The following KDM1B variants were observed in gnomAD, a reference collection of about 807,000 sequenced individuals.
The protein encoded by KDM1B is lysine-specific histone demethylase 2.
A neutral mutation model predicts 107.4 loss-of-function variants in KDM1B; 63 were observed. The ratio of observed to expected loss-of-function variants is 0.59; its 90% confidence interval spans 0.48 to 0.72. The LOEUF is 0.72. KDM1B is among the 30% of genes least tolerant of loss of function. KDM1B has a pLI of 0.00. For missense variants in KDM1B, 749 were observed against 1,020.8 expected, an observed-to-expected ratio of 0.73 and a Z score of 3.63; for synonymous variants, 363 against 363.9, an observed-to-expected ratio of 1.00 and a Z score of 0.03.
chr6:18,186,822 G>C lies in KDM1B; in HGVS notation c.574-970G>C, dbSNP rs181105861. Among the ~76,000 whole-genome samples, 2 of 152,216 alleles carry C rather than the reference G, an allele frequency of 1.3e-5. No homozygotes were observed. Among genetic ancestry groups the C allele is most frequent in the East Asian group, 3.9e-4 (2 of 5,178 alleles). ...ATCTCATGAGAACTCATTATCACAA[G>C]AACAGCATGAGGGTAACTGCCCCTG... is the stretch of plus-strand genomic sequence containing the variant. On this transcript the variant is annotated intron_variant, in intron 8 of 21. Transcript: ENST00000650836. The surrounding 1 kb of genome is among the most constrained non-coding windows in gnomAD (Gnocchi z 5.6).
chr6:18,171,545 A>G (rs1244970296), intron 7 of KDM1B, 66 bp downstream of exon 7: 32 of 878,820 alleles, frequency 3.6e-5, no homozygotes, highest in Non-Finnish European at 5.2e-5. Flanking sequence ...GTAATGGTGT[A>G]TATGTTTTTC....
chr6:18,203,637 G>C lies in KDM1B; in HGVS notation c.1532-1900G>C, dbSNP rs1788186553. On this transcript the variant is annotated intron_variant, in intron 14 of 21. Coordinates refer to ENST00000650836, the MANE Select transcript of KDM1B (RefSeq NM_001364614.2). This position sits in a 1 kb window ranked among gnomAD's most constrained non-coding sequence, Gnocchi z 5.5. ...GGAGGCCAAGGCGGGTGGATCACCT[G>C]AGTTCAGGAGTTCGAGACCAGCCTG... 6.6e-6 allele frequency among the ~76,000 whole-genome samples: 1 copy of C among 152,142 alleles called. No homozygotes were observed. Among genetic ancestry groups the C allele is most frequent in the South Asian group, 2.1e-4 (1 of 4,832 alleles).
chr6:18,184,518 A>G (rs1384316524), intron 7 of KDM1B, among the ~76,000 whole-genome samples: 1 of 151,136 alleles, frequency 6.6e-6, no homozygotes, highest in Non-Finnish European at 1.5e-5. Flanking sequence ...TAGGTGATCC[A>G]CCCACCTCAG....
At position 18,172,002 on chromosome 6, in the gene KDM1B, G is replaced by A. The variant is rs1785694981; in HGVS notation, c.534+523G>A. ...GGTTTTAATTTTTTTGCTAGTTTTG[G>A]TTTGTTTCGTTTTTATATAATGATG... On this transcript the variant is annotated intron_variant, in intron 7 of 21. Coordinates refer to ENST00000650836, the MANE Select transcript of KDM1B (RefSeq NM_001364614.2). The surrounding 1 kb of genome is among the most constrained non-coding windows in gnomAD (Gnocchi z 5.2). Among the ~76,000 whole-genome samples the A allele has an allele frequency of 3.3e-5, 5 of 152,176 alleles. No individual in the cohort carries two copies. The South Asian group carries it at 1.0e-3, about 32-fold the overall frequency.
At position 18,200,556 on chromosome 6, in the gene KDM1B, G is replaced by A; in HGVS notation, c.1339G>A (p.Val447Ile). Residue 447 changes from valine (V) to isoleucine (I), a missense_variant, in exon 13 of 22, where the codon GTA becomes ATA. Physicochemically the swap from Val to Ile is conservative, Grantham distance 29. Coordinates refer to ENST00000650836, the MANE Select transcript of KDM1B (RefSeq NM_001364614.2). The surrounding 1 kb of genome is among the most constrained non-coding windows in gnomAD (Gnocchi z 4.3). The part of the protein sequence containing the change: ...QIVNGCINNP[V>I]ALMCEQLGIS... Reference sequence around the variant, plus strand: ...TGTCAATGGGTGTATTAACAACCCAGTAGCATTAATGTGTGAACAAGTGAG... The same window carrying A: ...TGTCAATGGGTGTATTAACAACCCAATAGCATTAATGTGTGAACAAGTGAG... 1.2e-6 allele frequency: 2 copies of A among 1,613,494 alleles called. No homozygotes were observed. The highest frequency in any genetic ancestry group is 1.7e-6 in the Non-Finnish European group (2 of 1,179,760).
At chr6:18,208,631 T>C (rs71533671) in intron 17 of KDM1B, among the ~76,000 whole-genome samples, 1 of 16,976 alleles carries the variant, frequency 5.9e-5, no homozygotes, top group Non-Finnish European at 1.0e-4. Flanking sequence ...ATATATATTT[T>C]TTTTTTTTTT....
In KDM1B at chr6:18,158,393, C is replaced by CTT. The variant is rs558815602; in HGVS notation, c.-13-1490_-13-1489insTT. On this transcript the variant is annotated intron_variant, in intron 2 of 21. Transcript: ENST00000650836. ...CATTGATGTTAGGATGTGTCAAAGTCAATGTAGATGGCAAAATGAGTTTTT... is the reference window on the plus strand; with the variant it reads ...CATTGATGTTAGGATGTGTCAAAGTCTTAATGTAGATGGCAAAATGAGTTTTT... Among the ~76,000 whole-genome samples the CTT allele has an allele frequency of 9.3e-4, 138 of 147,788 alleles. No individual in the cohort carries two copies. The Middle Eastern group carries it at 0.011, about 12-fold the overall frequency.
At chr6:18,175,736 A>T (rs1314801081) in intron 7 of KDM1B, among the ~76,000 whole-genome samples, 3 of 151,768 alleles carry the variant, frequency 2.0e-5, no homozygotes, top group African/African-American at 7.3e-5. Flanking sequence ...TCCTTTCCCC[A>T]CTTTATGTTT....
At chr6:18,208,668 G>A (rs1788594690) in intron 17 of KDM1B, among the ~76,000 whole-genome samples, 2 of 79,248 alleles carry the variant, frequency 2.5e-5, no homozygotes, top group East Asian at 9.4e-4. Flanking sequence ...TTTTTGAGAT[G>A]GAGTCTCGTG....
At position 18,201,270 on chromosome 6, in the gene KDM1B, C is replaced by A. The variant is rs749182125; in HGVS notation, c.1360-216C>A. Among the ~76,000 whole-genome samples the A allele has an allele frequency of 2.5e-4, 38 of 152,178 alleles. No individual in the cohort carries two copies. Among genetic ancestry groups the A allele is most frequent in the Admixed American group, 1.0e-3 (16 of 15,270 alleles). On this transcript the variant is annotated intron_variant, in intron 13 of 21. Coordinates refer to ENST00000650836, the MANE Select transcript of KDM1B (RefSeq NM_001364614.2). The surrounding 1 kb of genome is among the most constrained non-coding windows in gnomAD (Gnocchi z 4.3). ...CATGGCGTAGGAGCTGTTGCTGCCC[C>A]TCTCACATTCTCATCAAATAAAATC... is the stretch of plus-strand genomic sequence containing the variant.
rs940045702 is a variant in KDM1B at position 18,155,454 on chromosome 6, G to GGCA, written c.-173_-172insAGC. 6.3e-6 allele frequency: 1 copy of GGCA among 159,466 alleles called. No homozygotes were observed. The highest frequency in any genetic ancestry group is 1.4e-5 in the Non-Finnish European group (1 of 73,840). The allele number at this position is 159,466 out of a possible 1,614,324, so 9.9% of individuals were successfully genotyped here. On this transcript the variant is annotated 5_prime_UTR_variant, in exon 1 of 22. Transcript: ENST00000650836. The surrounding 1 kb of genome is among the most constrained non-coding windows in gnomAD (Gnocchi z 6.2). Reference sequence around the variant, plus strand: ...GGGCGGAAGCGGCGGCGGCGGCGGCGGCCGAGAAGAGGCTGGGGCTCGCGG... The same window carrying GGCA: ...GGGCGGAAGCGGCGGCGGCGGCGGCGGCAGCCGAGAAGAGGCTGGGGCTCGCGG...
At chr6:18,184,156 C>G (rs1786668144) in intron 7 of KDM1B, among the ~76,000 whole-genome samples, 1 of 152,062 alleles carries the variant, frequency 6.6e-6, no homozygotes, top group Non-Finnish European at 1.5e-5. Context: ...CCCTTGCTCC[C>G]CTAGAGTAAC....
chr6:18,215,297 G>C (rs984579937), intron 20 of KDM1B, among the ~76,000 whole-genome samples, 168 bp downstream of exon 20: 2 of 152,244 alleles, frequency 1.3e-5, no homozygotes, highest in African/African-American at 4.8e-5. Flanking sequence ...AGATTAGTCT[G>C]TGAGGGCTGT....
rs955413196 is a variant in KDM1B at position 18,203,292 on chromosome 6, A to G, written c.1531+1635A>G. ...ACACTGTCTCACAAACAAAACAAAT[A>G]AAAAACCCAAGTTGTTAAGGTAGGC... On this transcript the variant is annotated intron_variant, in intron 14 of 21. Coordinates refer to ENST00000650836, the MANE Select transcript of KDM1B (RefSeq NM_001364614.2). This position sits in a 1 kb window ranked among gnomAD's most constrained non-coding sequence, Gnocchi z 5.5. Among the ~76,000 whole-genome samples the G allele has an allele frequency of 6.6e-6, 1 of 152,156 alleles. No individual in the cohort carries two copies. The highest frequency in any genetic ancestry group is 1.5e-5 in the Non-Finnish European group (1 of 68,022).
rs756311295 is a variant in KDM1B at position 18,222,165 on chromosome 6, CA to C, written c.*179del. 29 of 712,840 alleles carry C rather than the reference CA, an allele frequency of 4.1e-5. No individual in the cohort carries two copies. Among genetic ancestry groups the C allele is most frequent in the Middle Eastern group, 4.6e-4 (2 of 4,352 alleles). The allele number at this position is 712,840 out of a possible 1,614,324, so 44.2% of individuals were successfully genotyped here. ...TTCATCACTCTAAAAGCACTGACCT[CA>C]AAAAACCTTATAAGCACTTAGATTT... On this transcript the variant is annotated 3_prime_UTR_variant, in exon 22 of 22. Coordinates refer to ENST00000650836, the MANE Select transcript of KDM1B (RefSeq NM_001364614.2).
At position 18,162,939 on chromosome 6, in the gene KDM1B, T is replaced by C. The variant is rs778009469; in HGVS notation, c.305+15T>C. The C allele has an allele frequency of 6.6e-6, 10 of 1,518,246 alleles. No individual in the cohort carries two copies. In the East Asian group the frequency reaches 2.3e-4, roughly 34 times the overall value. 94.0% of individuals were successfully genotyped at this position (1,518,246 alleles called of 1,614,324 possible). ...TACTACAGAAGGTATGTTCACTAAT[T>C]GTGTGAGGTTTCCCTGGAGAAGGGG... is the stretch of plus-strand genomic sequence containing the variant. On this transcript the variant is annotated intron_variant, in intron 5 of 21. Coordinates refer to ENST00000650836, the MANE Select transcript of KDM1B (RefSeq NM_001364614.2). This position sits in a 1 kb window ranked among gnomAD's most constrained non-coding sequence, Gnocchi z 4.1.
At chr6:18,207,949 T>C (rs888588351) in intron 16 of KDM1B, among the ~76,000 whole-genome samples, 183 bp from the exon 17 acceptor site, 3 of 152,218 alleles carry the variant, frequency 2.0e-5, no homozygotes, top group African/African-American at 7.2e-5. Context: ...ATTTTGTATA[T>C]TCTGACAGAG....
intron 3 of KDM1B, among the ~76,000 whole-genome samples, chr6:18,160,365 G>C (rs1023004618): frequency 2.0e-5 from 3 of 152,088 alleles, no homozygotes; most frequent in Non-Finnish European, 4.4e-5. Context: ...AGGGCTTTTT[G>C]GGTAGGGCTT....
chr6:18,179,850 CTTTTTTTTT>C (rs67156330), intron 7 of KDM1B, among the ~76,000 whole-genome samples: 1 of 9,638 alleles, frequency 1.0e-4, no homozygotes, highest in Non-Finnish European at 2.2e-4. Context: ...GTTTTTTTTC[CTTTTTTTTT>C]TTTTTTTTTT....
Sources: allele counts gnomAD v4.1 joint callset (sites outside exome capture counted in the v4.1 genomes callset), GRCh38; gene constraint gnomAD v4.1.1; non-coding constraint Gnocchi (gnomAD v3.1); transcripts MANE v1.5; gene names NCBI Gene and HGNC (gene_info 2026-07-23, HGNC 2026-07-21).